ITGBL1: variants seen among roughly 807,000 people sequenced by gnomAD.
ITGBL1 encodes integrin beta-like protein 1.
ITGBL1 carries 51 observed loss-of-function variants against 68.5 expected under a neutral mutation model. That is an observed-to-expected ratio of 0.74 (90% CI 0.59 to 0.94). The LOEUF is 0.94. ITGBL1 is among the 40% of genes least tolerant of loss of function. The pLI, the probability that ITGBL1 is intolerant of heterozygous loss-of-function variation, is 0.00. For synonymous variants in ITGBL1, 209 were observed against 227.3 expected (o/e 0.92, Z 0.72); for missense variants, 649 against 647.4 (o/e 1.00, Z -0.03).
intron 2 of ITGBL1, among the ~76,000 whole-genome samples, chr13:101,525,404 G>T (rs1232166315): frequency 2.0e-5 from 3 of 152,018 alleles, no homozygotes; most frequent in Non-Finnish European, 4.4e-5. Flanking sequence ...AAAAAAGTTA[G>T]TTGGGGTCAC....
intron 8 of ITGBL1, among the ~76,000 whole-genome samples, chr13:101,696,268 T>C (rs1470970557): frequency 6.6e-6 from 1 of 152,204 alleles, no homozygotes; most frequent in Non-Finnish European, 1.5e-5. Flanking sequence ...GAGAGCTTAG[T>C]TGAAACTTAG....
chr13:101,663,073 A>C (rs993789342), intron 7 of ITGBL1, among the ~76,000 whole-genome samples: 2 of 152,166 alleles, frequency 1.3e-5, no homozygotes, highest in Non-Finnish European at 2.9e-5. Flanking sequence ...GATTATTTGA[A>C]GGGAACCACA....
chr13:101,565,041 C>T (rs1194122033), intron 2 of ITGBL1, among the ~76,000 whole-genome samples: 1 of 151,952 alleles, frequency 6.6e-6, no homozygotes, highest in East Asian at 1.9e-4. Context: ...TCAGGTCCTC[C>T]AGAACTAACC....
intron 2 of ITGBL1, among the ~76,000 whole-genome samples, chr13:101,482,975 T>C (rs967016541): frequency 7.2e-5 from 11 of 152,192 alleles, no homozygotes; most frequent in Admixed American, 2.0e-4. Flanking sequence ...TACCAAGTCC[T>C]CCAGCTTCCG....
chr13:101,483,501 A>C (rs551406022), intron 2 of ITGBL1, among the ~76,000 whole-genome samples: 16 of 152,328 alleles, frequency 1.1e-4, no homozygotes, highest in Middle Eastern at 3.4e-3. Flanking sequence ...ATGCTCTAGA[A>C]GTCAATCACT....
chr13:101,714,220 A>G (rs1263673585), intron 9 of ITGBL1: 1 of 522,902 alleles, frequency 1.9e-6, no homozygotes, highest in Non-Finnish European at 3.4e-6. Context: ...GTTCAAGGCT[A>G]ATTGCAACTG....
intron 4 of ITGBL1, 41 bp from the exon 5 acceptor site, chr13:101,579,246 T>A: frequency 6.3e-7 from 1 of 1,597,978 alleles, no homozygotes; most frequent in Non-Finnish European, 8.6e-7. Flanking sequence ...CTTATGAAAG[T>A]TGCTTTTTTC....
intron 2 of ITGBL1, among the ~76,000 whole-genome samples, chr13:101,507,430 C>T (rs2049044263): frequency 6.6e-6 from 1 of 152,136 alleles, no homozygotes; most frequent in South Asian, 2.1e-4. Flanking sequence ...TTTTTCTTCA[C>T]ATATCATCCT....
At chr13:101,531,609 TG>T (rs201777368) in intron 2 of ITGBL1, among the ~76,000 whole-genome samples, 1 of 132,956 alleles carries the variant, frequency 7.5e-6, no homozygotes, top group East Asian at 2.8e-4. Flanking sequence ...GCGTATTTTT[TG>T]GGGGGAGGGG....
chr13:101,457,041 TG>T, intron 2 of ITGBL1, among the ~76,000 whole-genome samples: 1 of 152,322 alleles, frequency 6.6e-6, no homozygotes, highest in South Asian at 2.1e-4. Context: ...ATCTGTAAAA[TG>T]GGAATAACAG....
chr13:101,603,990 C>T (rs1309729377), intron 7 of ITGBL1, among the ~76,000 whole-genome samples: 3 of 151,770 alleles, frequency 2.0e-5, no homozygotes, highest in Non-Finnish European at 4.4e-5. Flanking sequence ...TAGAAGTAAA[C>T]AGAACAGAAA....
downstream of ITGBL1, chr13:101,716,573 T>C (rs892448131): frequency 2.6e-5 from 4 of 152,126 alleles, no homozygotes; most frequent in African/African-American, 9.7e-5. Flanking sequence ...GTACAAGAAA[T>C]CTGATTTTTT....
chr13:101,545,371 G>C lies in ITGBL1; in HGVS notation c.317-22328G>C, dbSNP rs185480608. 1.4e-3 allele frequency among the ~76,000 whole-genome samples: 218 copies of C among 152,246 alleles called. 1 individual carries two copies. The highest frequency in any genetic ancestry group is 5.1e-3 in the African/African-American group (210 of 41,532). On this transcript the variant is annotated intron_variant, in intron 2 of 10. Coordinates refer to ENST00000376180, the MANE Select transcript of ITGBL1 (RefSeq NM_004791.3). ...AAGAAACACAGGCTTAAAGGTATTAGAATTGAATGAAAAGTAATCAAGTGT... is the reference window on the plus strand; with the variant it reads ...AAGAAACACAGGCTTAAAGGTATTACAATTGAATGAAAAGTAATCAAGTGT...
chr13:101,523,861 G>A (rs2049327161), intron 2 of ITGBL1, among the ~76,000 whole-genome samples: 1 of 152,176 alleles, frequency 6.6e-6, no homozygotes. Context: ...TGGTAGAAAG[G>A]ACGGACATTT....
intron 7 of ITGBL1, among the ~76,000 whole-genome samples, chr13:101,623,894 G>A (rs1316126736): frequency 6.6e-6 from 1 of 152,154 alleles, no homozygotes; most frequent in Non-Finnish European, 1.5e-5. Flanking sequence ...TTCTGGCCCT[G>A]TTTTAAATCC....
At position 101,454,835 on chromosome 13, in the gene ITGBL1, T is replaced by C. The variant is rs560834843; in HGVS notation, c.316+735T>C. Reference sequence around the variant, plus strand: ...GGCACATATTTACTTAGAATGACTGTTCTTGCATTGTTCTAGCTGCTTGAA... The same window carrying C: ...GGCACATATTTACTTAGAATGACTGCTCTTGCATTGTTCTAGCTGCTTGAA... On this transcript the variant is annotated intron_variant, in intron 2 of 10. Transcript: ENST00000376180. 1.3e-4 allele frequency among the ~76,000 whole-genome samples: 20 copies of C among 152,334 alleles called. No individual in the cohort carries two copies. In the East Asian group the frequency reaches 3.3e-3, roughly 25 times the overall value.
At chr13:101,663,314 G>C (rs1046252070) in intron 7 of ITGBL1, among the ~76,000 whole-genome samples, 1 of 152,110 alleles carries the variant, frequency 6.6e-6, no homozygotes, top group Non-Finnish European at 1.5e-5. Flanking sequence ...AGTTACAACT[G>C]GTGTAGCTTT....
rs372775458 is a variant in ITGBL1, at chr13:101,657,046, G to C, written c.1016-35539G>C. Among the ~76,000 whole-genome samples the C allele has an allele frequency of 4.0e-5, 6 of 151,366 alleles. No individual in the cohort carries two copies. The East Asian group carries it at 7.8e-4, about 20-fold the overall frequency. On this transcript the variant is annotated intron_variant, in intron 7 of 10. Transcript: ENST00000376180. ...ATGTATACATGTGCCATGCTGGTGC[G>C]CTGCACCCACTAACTCGTCAGTATT...
At position 101,715,746 on chromosome 13, in the gene ITGBL1, A is replaced by G; in HGVS notation, c.*92A>G. 1 of 724,178 alleles carries G rather than the reference A, an allele frequency of 1.4e-6. No individual in the cohort carries two copies. Among genetic ancestry groups the G allele is most frequent in the South Asian group, 1.8e-5 (1 of 54,952 alleles). The allele number at this position is 724,178 out of a possible 1,614,324, so 44.9% of individuals were successfully genotyped here. On this transcript the variant is annotated 3_prime_UTR_variant, in exon 11 of 11. Coordinates refer to ENST00000376180, the MANE Select transcript of ITGBL1 (RefSeq NM_004791.3). ...AACCATGTATATTCACCACTAGGAC[A>G]GGTTAAAAAGACCATTGTATGTTTT...
Sources: allele counts gnomAD v4.1 joint callset (sites outside exome capture counted in the v4.1 genomes callset), GRCh38; gene constraint gnomAD v4.1.1; transcripts MANE v1.5; gene names NCBI Gene and HGNC (gene_info 2026-07-23, HGNC 2026-07-21).